The following AKAP6 variants were observed in gnomAD, a reference collection of about 807,000 sequenced individuals.
The protein encoded by AKAP6 is A-kinase anchoring protein 6.
A neutral mutation model predicts 188.5 loss-of-function variants in AKAP6; 58 were observed. The observed-to-expected ratio is 0.31, with a 90% CI of 0.25 to 0.38. AKAP6 has a LOEUF of 0.38. Ranked by LOEUF, AKAP6 falls within the 10% of genes least tolerant of loss-of-function variation. The pLI is 1.00. For missense variants in AKAP6, 2,710 were observed against 2,740.0 expected (o/e 0.99, Z 0.24); for synonymous variants, 989 against 998.6 (o/e 0.99, Z 0.18).
chr14:32,533,248 G>T (rs942718454), intron 2 of AKAP6, among the ~76,000 whole-genome samples: 2 of 152,294 alleles, frequency 1.3e-5, no homozygotes, highest in South Asian at 2.1e-4. Flanking sequence ...TAAAAGGGAA[G>T]AATGTAGGTA....
chr14:32,612,594 C>A (rs577470036), intron 7 of AKAP6, among the ~76,000 whole-genome samples: 4 of 152,008 alleles, frequency 2.6e-5, no homozygotes, highest in Non-Finnish European at 5.9e-5. Flanking sequence ...TTTAGAAGAA[C>A]CATTTCACCT....
At chr14:32,817,845 T>C (rs1013328155) in intron 12 of AKAP6, among the ~76,000 whole-genome samples, 2 of 152,240 alleles carry the variant, frequency 1.3e-5, no homozygotes, top group Non-Finnish European at 2.9e-5. Context: ...TGTTGGGCTA[T>C]CATCAAAGAG....
intron 9 of AKAP6, among the ~76,000 whole-genome samples, chr14:32,716,381 C>T (rs1025134422): frequency 2.0e-4 from 30 of 151,328 alleles, no homozygotes; most frequent in African/African-American, 6.8e-4. Flanking sequence ...GTATGTATTA[C>T]GTACTATATC....
At chr14:32,826,468 G>T (rs2034676533) in intron 13 of AKAP6, among the ~76,000 whole-genome samples, 1 of 152,130 alleles carries the variant, frequency 6.6e-6, no homozygotes. Context: ...TGCTGGCTCT[G>T]CCAACCTCCG....
chr14:32,593,185 G>A (rs1240242407), intron 5 of AKAP6, among the ~76,000 whole-genome samples: 1 of 152,150 alleles, frequency 6.6e-6, no homozygotes, highest in Non-Finnish European at 1.5e-5. Flanking sequence ...TAGTTTTGAG[G>A]AGGGTTGTGA....
intron 2 of AKAP6, among the ~76,000 whole-genome samples, chr14:32,534,349 C>T (rs549481558): frequency 6.6e-6 from 1 of 152,264 alleles, no homozygotes; most frequent in Admixed American, 6.5e-5. Context: ...TTAGCTGACA[C>T]CATCATTTTG....
At chr14:32,443,410 AAAAAAAAC>A (rs1308198569) in intron 2 of AKAP6, among the ~76,000 whole-genome samples, 2 of 116,190 alleles carry the variant, frequency 1.7e-5, no homozygotes, top group Admixed American at 1.7e-4. Flanking sequence ...AACAAAACAA[AAAAAAAAC>A]AAAAAAACAA....
chr14:32,795,384 C>T (rs1020783008), intron 12 of AKAP6, among the ~76,000 whole-genome samples: 1 of 152,160 alleles, frequency 6.6e-6, no homozygotes, highest in Non-Finnish European at 1.5e-5. Context: ...CAAAAATCCT[C>T]AATAAACTAC....
At chr14:32,455,403 A>G (rs75798224) in intron 2 of AKAP6, among the ~76,000 whole-genome samples, 5,637 of 152,308 alleles carry the variant, frequency 0.037, 123 homozygotes, top group East Asian at 0.1. Flanking sequence ...ATTTGAAATG[A>G]GTAAGATTAT....
rs1426873434 is a variant in AKAP6, at chr14:32,568,604, T to C, written c.2347-8516T>C. The stretch of plus-strand genomic sequence containing the variant: ...ATCCAGTGTCTTGGAGGATTGGGGG[T>C]GCTTGAAGCAAGGTCTCACCTAGAG... On this transcript the variant is annotated intron_variant, in intron 4 of 13. Transcript: ENST00000280979. The surrounding 1 kb of genome is among the most constrained non-coding windows in gnomAD (Gnocchi z 6.2). 1.3e-5 allele frequency among the ~76,000 whole-genome samples: 2 copies of C among 152,074 alleles called. No individual in the cohort carries two copies. Among genetic ancestry groups the C allele is most frequent in the Admixed American group, 6.6e-5 (1 of 15,264 alleles).
chr14:32,569,405 C>A (rs542247580), intron 4 of AKAP6, among the ~76,000 whole-genome samples: 1 of 152,282 alleles, frequency 6.6e-6, no homozygotes, highest in East Asian at 1.9e-4. Flanking sequence ...CATACACGAT[C>A]TTTCCTCTTC....
intron 12 of AKAP6, among the ~76,000 whole-genome samples, chr14:32,800,812 C>G (rs1042878980): frequency 6.6e-6 from 1 of 151,906 alleles, no homozygotes; most frequent in Non-Finnish European, 1.5e-5. Context: ...CTCAGAAATT[C>G]GAGACCAACC....
chr14:32,597,130 T>G (rs1375045821), intron 5 of AKAP6, among the ~76,000 whole-genome samples: 1 of 152,232 alleles, frequency 6.6e-6, no homozygotes, highest in East Asian at 1.9e-4. Flanking sequence ...CATGTCATCT[T>G]GAAGCAGAGC....
chr14:32,364,156 C>A (rs1312952938), intron 1 of AKAP6, among the ~76,000 whole-genome samples: 1 of 152,004 alleles, frequency 6.6e-6, no homozygotes, highest in African/African-American at 2.4e-5. Context: ...ATCTGGATTG[C>A]TTTTTGTAAA....
At chr14:32,464,250 C>T (rs1254916518) in intron 2 of AKAP6, among the ~76,000 whole-genome samples, 1 of 152,084 alleles carries the variant, frequency 6.6e-6, no homozygotes, top group African/African-American at 2.4e-5. Context: ...TTTATGAGGC[C>T]AGCATCATCC....
chr14:32,645,385 G>T (rs1328886423), intron 7 of AKAP6, among the ~76,000 whole-genome samples: 6 of 151,996 alleles, frequency 3.9e-5, no homozygotes, highest in Non-Finnish European at 7.4e-5. Flanking sequence ...TATATTTGTG[G>T]GTAAACAGAC....
intron 12 of AKAP6, among the ~76,000 whole-genome samples, chr14:32,811,278 A>G (rs573669769): frequency 1.9e-4 from 29 of 150,780 alleles, no homozygotes; most frequent in African/African-American, 6.8e-4. Flanking sequence ...GACTAAGATA[A>G]TGTGTGCCAT....
chr14:32,663,844 T>G (rs1457205573), intron 7 of AKAP6, among the ~76,000 whole-genome samples: 3 of 152,112 alleles, frequency 2.0e-5, no homozygotes, highest in Non-Finnish European at 4.4e-5. Flanking sequence ...AAATAGATTT[T>G]GAGCATAGCA....
intron 1 of AKAP6, among the ~76,000 whole-genome samples, chr14:32,404,934 G>A (rs114642713): frequency 0.015 from 2,243 of 150,920 alleles, 51 homozygotes; most frequent in African/African-American, 0.05. Flanking sequence ...AGGGAGGGAG[G>A]GAGGGTGGAA....
Sources: allele counts gnomAD v4.1 joint callset (sites outside exome capture counted in the v4.1 genomes callset), GRCh38; gene constraint gnomAD v4.1.1; non-coding constraint Gnocchi (gnomAD v3.1); transcripts MANE v1.5; gene names NCBI Gene and HGNC (gene_info 2026-07-23, HGNC 2026-07-21).